The following DLG2 variants were observed in gnomAD, a reference collection of about 807,000 sequenced individuals.
DLG2 encodes disks large homolog 2.
DLG2 carries 45 observed loss-of-function variants against 132.5 expected under a neutral mutation model. The observed-to-expected ratio is 0.34, with a 90% CI of 0.27 to 0.44. The LOEUF (loss-of-function observed/expected upper bound fraction) is 0.44, where lower values mean the gene tolerates loss of function less well. Among genes scored for constraint, DLG2 ranks in the 20% least tolerant of loss-of-function variants. DLG2 has a pLI of 1.00. For missense variants in DLG2, 1,045 were observed against 1,196.9 expected, an observed-to-expected ratio of 0.87 and a Z score of 1.87; for synonymous variants, 424 against 419.6, an observed-to-expected ratio of 1.01 and a Z score of -0.13.
At chr11:83,789,126 T>C (rs1207525764) in intron 17 of DLG2, among the ~76,000 whole-genome samples, 2 of 152,138 alleles carry the variant, frequency 1.3e-5, no homozygotes, top group Non-Finnish European at 2.9e-5. Flanking sequence ...TAGAAAAAAG[T>C]GTTGTTAGAA....
intron 10 of DLG2, among the ~76,000 whole-genome samples, chr11:84,069,687 G>T (rs1270536816): frequency 6.6e-6 from 1 of 152,120 alleles, no homozygotes; most frequent in African/African-American, 2.4e-5. Context: ...ATGCTTGCAG[G>T]ACTCTCTGCA....
intron 7 of DLG2, among the ~76,000 whole-genome samples, chr11:84,446,255 TTC>T (rs1312326363): frequency 2.1e-4 from 32 of 152,128 alleles, no homozygotes; most frequent in Admixed American, 2.1e-3. Flanking sequence ...ATCTATCATG[TTC>T]TGTTTTTATT....
intron 6 of DLG2, among the ~76,000 whole-genome samples, chr11:84,926,599 G>A (rs1042929813): frequency 6.6e-6 from 1 of 151,896 alleles, no homozygotes; most frequent in African/African-American, 2.4e-5. Context: ...GGGTGTGGGT[G>A]TGTGTCTGTG....
chr11:84,859,464 A>G (rs1228250387), intron 6 of DLG2, among the ~76,000 whole-genome samples: 1 of 146,806 alleles, frequency 6.8e-6, no homozygotes, highest in East Asian at 2.0e-4. Flanking sequence ...ATACATATAT[A>G]TATATCCTCC....
intron 18 of DLG2, among the ~76,000 whole-genome samples, chr11:83,698,157 G>A (rs1311901575): frequency 6.6e-6 from 1 of 152,120 alleles, no homozygotes; most frequent in Non-Finnish European, 1.5e-5. Context: ...GATAATAGAG[G>A]TAAACAGCTT....
chr11:84,927,427 G>A (rs2047527402), intron 6 of DLG2, among the ~76,000 whole-genome samples: 1 of 151,936 alleles, frequency 6.6e-6, no homozygotes, highest in Non-Finnish European at 1.5e-5. Flanking sequence ...TCTGAGGGTG[G>A]GAATCAGGAA....
At chr11:85,005,694 T>G (rs1266738009) in intron 6 of DLG2, among the ~76,000 whole-genome samples, 2 of 152,244 alleles carry the variant, frequency 1.3e-5, no homozygotes, top group African/African-American at 4.8e-5. Flanking sequence ...TTACTTCCTC[T>G]CTTCCTATTT....
chr11:84,636,157 G>C (rs575254209), intron 6 of DLG2, among the ~76,000 whole-genome samples: 1 of 152,140 alleles, frequency 6.6e-6, no homozygotes, highest in Non-Finnish European at 1.5e-5. Flanking sequence ...CAGAATATGA[G>C]TGAAACAAAT....
intron 7 of DLG2, among the ~76,000 whole-genome samples, chr11:84,344,054 T>A (rs1403968394): frequency 6.6e-6 from 1 of 152,164 alleles, no homozygotes; most frequent in African/African-American, 2.4e-5. Context: ...CTACTTTATG[T>A]TCGAAAGAAT....
chr11:84,910,996 A>T (rs1457294537), intron 6 of DLG2, among the ~76,000 whole-genome samples: 8 of 152,224 alleles, frequency 5.3e-5, no homozygotes, highest in Non-Finnish European at 1.0e-4. Flanking sequence ...CAAGACAATT[A>T]TTATGTAGAG....
chr11:83,836,340 G>A (rs1194620556), intron 16 of DLG2, among the ~76,000 whole-genome samples: 1 of 152,118 alleles, frequency 6.6e-6, no homozygotes, highest in Non-Finnish European at 1.5e-5. Flanking sequence ...CAGTCAAGCT[G>A]ATACATGAAA....
intron 5 of DLG2, 71 bp from the exon 6 acceptor site, chr11:85,111,806 G>A (rs904326128): frequency 1.3e-5 from 15 of 1,159,172 alleles, no homozygotes; most frequent in African/African-American, 3.1e-5. Flanking sequence ...TAGCTGACAT[G>A]TTTATTATCA....
At chr11:83,705,937 G>A (rs1396020886) in intron 18 of DLG2, among the ~76,000 whole-genome samples, 1 of 152,150 alleles carries the variant, frequency 6.6e-6, no homozygotes, top group Non-Finnish European at 1.5e-5. Context: ...TTTAAAACTA[G>A]GCCGGGCGTG....
At chr11:84,698,509 G>A (rs893710340) in intron 6 of DLG2, among the ~76,000 whole-genome samples, 6 of 151,414 alleles carry the variant, frequency 4.0e-5, no homozygotes, top group African/African-American at 1.2e-4. Context: ...AAATACAATC[G>A]ACTTTTTGGT....
intron 6 of DLG2, among the ~76,000 whole-genome samples, chr11:84,960,082 C>T (rs1274100220): frequency 6.6e-6 from 1 of 152,166 alleles, no homozygotes; most frequent in Non-Finnish European, 1.5e-5. Flanking sequence ...TATTATTGTA[C>T]ATACTTAACA....
intron 20 of DLG2, among the ~76,000 whole-genome samples, chr11:83,536,996 A>G (rs2095895298): frequency 6.6e-6 from 1 of 152,170 alleles, no homozygotes. Context: ...GAAATTGTGG[A>G]CCACCTGAAG....
intron 11 of DLG2, among the ~76,000 whole-genome samples, chr11:84,029,826 C>T (rs60228859): frequency 6.6e-6 from 1 of 152,032 alleles, no homozygotes; most frequent in African/African-American, 2.4e-5. Context: ...TGTTCTCTTC[C>T]TATATTTCAT....
intron 18 of DLG2, among the ~76,000 whole-genome samples, chr11:83,750,537 C>T (rs2093234415): frequency 6.6e-6 from 1 of 152,154 alleles, no homozygotes; most frequent in African/African-American, 2.4e-5. Flanking sequence ...CTACTCCTTG[C>T]TGTACCCTAC....
rs2089140600 is a variant in DLG2 at position 83,457,125 on chromosome 11, T to C, written c.*2693A>G. 6.6e-6 allele frequency: 1 copy of C among 152,610 alleles called. No homozygotes were observed. The highest frequency in any genetic ancestry group is 1.5e-5 in the Non-Finnish European group (1 of 68,054). 9.5% of individuals were successfully genotyped at this position (152,610 alleles called of 1,614,324 possible). A position where few individuals can be genotyped will look rare whatever the true frequency, so the allele number is the denominator to read the frequency against. On this transcript the variant is annotated 3_prime_UTR_variant, in exon 28 of 28. Coordinates refer to ENST00000376104, the MANE Select transcript of DLG2 (RefSeq NM_001142699.3). ...GGGCCCAGCATGTGTGAAGGTGACA[T>C]TGCACCCCCAGCAAGCCTTCAGGTT...
Sources: allele counts gnomAD v4.1 joint callset (sites outside exome capture counted in the v4.1 genomes callset), GRCh38; gene constraint gnomAD v4.1.1; transcripts MANE v1.5; gene names NCBI Gene and HGNC (gene_info 2026-07-23, HGNC 2026-07-21).